The following BTNL9 variants were observed in gnomAD, a reference collection of about 807,000 sequenced individuals.
The protein encoded by BTNL9 is butyrophilin-like protein 9.
BTNL9 carries 45 observed loss-of-function variants against 45.8 expected under a neutral mutation model. That is an observed-to-expected ratio of 0.98 (90% CI 0.77 to 1.26). The LOEUF (loss-of-function observed/expected upper bound fraction) is 1.26. BTNL9 is among the 50% of genes most tolerant of loss of function. The pLI is 0.00. For synonymous variants in BTNL9, 346 were observed against 330.8 expected (o/e 1.05, Z -0.50); for missense variants, 784 against 729.7 (o/e 1.07, Z -0.86).
In BTNL9 at chr5:181,055,682, G is replaced by C. The variant is rs11951478; in HGVS notation, c.928+229G>C. The C allele has an allele frequency of 2.9e-6, 2 of 684,198 alleles. No individual in the cohort carries two copies. Among genetic ancestry groups the C allele is most frequent in the Admixed American group, 2.2e-5 (1 of 46,288 alleles). The allele number at this position is 684,198 out of a possible 1,614,324, so 42.4% of individuals were successfully genotyped here. A position where few individuals can be genotyped will look rare whatever the true frequency, so the allele number is the denominator to read the frequency against. The stretch of plus-strand genomic sequence containing the variant: ...TACATGGGAGGCTGAGGCAGGAGAA[G>C]GGCGTGAACCCGGGAAGCGGAGCTT... On this transcript the variant is annotated intron_variant, in intron 8 of 10. Coordinates refer to ENST00000327705, the MANE Select transcript of BTNL9 (RefSeq NM_152547.5). The surrounding 1 kb of genome is among the most constrained non-coding windows in gnomAD (Gnocchi z 4.4).
intron 2 of BTNL9, among the ~76,000 whole-genome samples, chr5:181,046,666 AGAGAAAGAGAGAGAGC>A (rs1278902322): frequency 1.3e-5 from 2 of 151,864 alleles, no homozygotes; most frequent in African/African-American, 2.4e-5. Flanking sequence ...ACCATGGCTG[AGAGAAAGAGAGAGAGC>A]GAGAGAGAGA....
rs759780493 is a variant in BTNL9, at chr5:181,059,270, C to T, written c.1016C>T (p.Pro339Leu). ...DVTLDPASAH[P>L]SLEVSEDGKS... ...ACGCTGGACCCGGCCTCGGCGCACCCCAGCCTGGAGGTGTCGGAGGATGGC... is the reference window on the plus strand; with the variant it reads ...ACGCTGGACCCGGCCTCGGCGCACCTCAGCCTGGAGGTGTCGGAGGATGGC... The change falls in exon 11 of 11, where the codon CCC becomes CTC. Residue 339 changes from proline (P) to leucine (L), a missense_variant. Transcript: ENST00000327705. The T allele has an allele frequency of 6.4e-7, 1 of 1,571,160 alleles. No individual in the cohort carries two copies.
Position 181,059,404 on chromosome 5 carries a change from C to T in BTNL9, c.1150C>T (p.His384Tyr), listed in dbSNP as rs186444058. Reference sequence around the variant, plus strand: ...CCTGGAGCGGTTCTCCGCCGGCCGCCACTACTGGGAGGTGCACGTGGGCCG... The same window carrying T: ...CCTGGAGCGGTTCTCCGCCGGCCGCTACTACTGGGAGGTGCACGTGGGCCG... ...LSLERFSAGR[H>Y]YWEVHVGRRS... The change falls in exon 11 of 11, where the codon CAC becomes TAC. Residue 384 changes from histidine to tyrosine, a missense_variant. Coordinates refer to ENST00000327705, the MANE Select transcript of BTNL9 (RefSeq NM_152547.5). The T allele has an allele frequency of 9.0e-3, 13,762 of 1,525,598 alleles. 87 individuals carry two copies. Among genetic ancestry groups the T allele is most frequent in the Non-Finnish European group, 0.01 (11,829 of 1,138,818 alleles). 94.5% of individuals were successfully genotyped at this position (1,525,598 alleles called of 1,614,324 possible). A position where few individuals can be genotyped will look rare whatever the true frequency, so the allele number is the denominator to read the frequency against.
Position 181,048,304 on chromosome 5 carries a change from G to A in BTNL9, c.454+33G>A, listed in dbSNP as rs538519233. 4.6e-4 allele frequency: 717 copies of A among 1,546,516 alleles called. 11 individuals carry two copies. The South Asian group carries it at 7.7e-3, about 17-fold the overall frequency. ...GACTGACCTAAGGCCCTGCAGAGGA[G>A]AGGGAGATCCAGGTGCTTTGCCAAG... On this transcript the variant is annotated intron_variant, in intron 3 of 10. Coordinates refer to ENST00000327705, the MANE Select transcript of BTNL9 (RefSeq NM_152547.5).
At chr5:181,049,758 AATT>A in intron 3 of BTNL9, among the ~76,000 whole-genome samples, 1 of 152,304 alleles carries the variant, frequency 6.6e-6, no homozygotes, top group Admixed American at 6.5e-5. Context: ...TCACAACTCT[AATT>A]ATTAGAATTT....
Position 181,056,067 on chromosome 5 carries a change from C to G in BTNL9, c.955+52C>G, listed in dbSNP as rs552278491. ...TCCTCCTCATTTATATCTGAGCACC[C>G]CAGTCCAACTCACCTGATTAACCAA... is the stretch of plus-strand genomic sequence containing the variant. On this transcript the variant is annotated intron_variant, in intron 9 of 10. Transcript: ENST00000327705. The G allele has an allele frequency of 3.7e-5, 59 of 1,595,916 alleles. 1 individual carries two copies. The South Asian group carries it at 5.6e-4, about 15-fold the overall frequency.
rs1289506542 is a variant in BTNL9, at chr5:181,048,091, C to A, written c.274C>A (p.Leu92Ile). The A allele has an allele frequency of 6.2e-7, 1 of 1,613,540 alleles. No individual in the cohort carries two copies. Among genetic ancestry groups the A allele is most frequent in the Non-Finnish European group, 8.5e-7 (1 of 1,180,010 alleles). ...ACACCTGTACCAGGAGCAGCAGGAG[C>A]TCCCTGGCAGGCAGATGCCGGCGTT... The part of the protein sequence containing the change: ...VVHLYQEQQE[L>I]PGRQMPAFRN... Residue 92 changes from leucine to isoleucine, a missense_variant, in exon 3 of 11, where the codon CTC becomes ATC. Leu to Ile is a conservative substitution (Grantham distance 5). Transcript: ENST00000327705.
In BTNL9 at chr5:181,053,224, C is replaced by A; in HGVS notation, c.761C>A (p.Ala254Glu). The change falls in exon 5 of 11, where the codon GCG becomes GAG. Residue 254 changes from alanine (A) to glutamate (E), a missense_variant. Coordinates refer to ENST00000327705, the MANE Select transcript of BTNL9 (RefSeq NM_152547.5). This position sits in a 1 kb window ranked among gnomAD's most constrained non-coding sequence, Gnocchi z 6.5. ...GACGTGTTCGTACCCGGAGCCTCTG[C>A]GTGGAAGAGCGCGTTCGTCGCGACC... Reference protein sequence around the residue: ...IADVFVPGASAWKSAFVATLP... With the variant: ...IADVFVPGASEWKSAFVATLP... 1 of 1,589,168 alleles carries A rather than the reference C, an allele frequency of 6.3e-7. No homozygotes were observed. The highest frequency in any genetic ancestry group is 1.1e-5 in the South Asian group (1 of 88,702).
intron 4 of BTNL9, chr5:181,052,833 G>A (rs945289826): frequency 7.7e-5 from 11 of 143,486 alleles, no homozygotes; most frequent in African/African-American, 3.0e-4. Flanking sequence ...AGACGGCGCG[G>A]GTGCGAGCAG....
chr5:181,056,442 T>C (rs974695084), intron 9 of BTNL9: 44 of 672,244 alleles, frequency 6.5e-5, no homozygotes, highest in Non-Finnish European at 1.2e-4. Flanking sequence ...TTTATGGTTC[T>C]GTGATGTTCC....
At chr5:181,051,078 C>CAAAAAG (rs1761508388) in intron 4 of BTNL9, among the ~76,000 whole-genome samples, 1 of 44,688 alleles carries the variant, frequency 2.2e-5, no homozygotes, top group African/African-American at 8.5e-5. Context: ...GAATCCGTCT[C>CAAAAAG]AAAAAAAAAA....
chr5:181,054,331 C>T lies in BTNL9; in HGVS notation c.907+72C>T. 7 of 1,591,634 alleles carry T rather than the reference C, an allele frequency of 4.4e-6. No individual in the cohort carries two copies. The South Asian group carries it at 6.9e-5, about 16-fold the overall frequency. On this transcript the variant is annotated intron_variant, in intron 7 of 10. Transcript: ENST00000327705. ...TGTGCCTGTGCAGTGGGAGGAGGGG[C>T]TCCCTTTGGACAGCGGCTGGCAACT... is the stretch of plus-strand genomic sequence containing the variant.
chr5:181,055,173 C>CAGT lies in BTNL9; in HGVS notation c.908-258_908-256dup. The CAGT allele has an allele frequency of 7.7e-7, 1 of 1,300,786 alleles. No individual in the cohort carries two copies. The highest frequency in any genetic ancestry group is 3.0e-5 in the East Asian group (1 of 32,884). The allele number at this position is 1,300,786 out of a possible 1,614,324, so 80.6% of individuals were successfully genotyped here. On this transcript the variant is annotated intron_variant, in intron 7 of 10. Coordinates refer to ENST00000327705, the MANE Select transcript of BTNL9 (RefSeq NM_152547.5). This position sits in a 1 kb window ranked among gnomAD's most constrained non-coding sequence, Gnocchi z 4.4. ...ACCCCAACCCTGGGAAGAGGCCTGT[C>CAGT]AGTACTAAGATCTGGTATCCCTTCT...
chr5:181,045,626 G>C (rs113682037), intron 2 of BTNL9, 28 bp downstream of exon 2: 4 of 1,559,972 alleles, frequency 2.6e-6, no homozygotes, highest in South Asian at 1.1e-5. Context: ...TAGCTGGCCA[G>C]GATGTGAACG....
chr5:181,053,432 C>G lies in BTNL9; in HGVS notation c.854-37C>G, dbSNP rs1313823897. On this transcript the variant is annotated intron_variant, in intron 5 of 10. Transcript: ENST00000327705. This position sits in a 1 kb window ranked among gnomAD's most constrained non-coding sequence, Gnocchi z 6.5. ...GAAGGCGGCCTGGAAGGGGCGGGGG[C>G]GCGCACTCAGCCCTCTCCGCTCCCG... 1.3e-6 allele frequency: 2 copies of G among 1,551,492 alleles called. No homozygotes were observed. Among genetic ancestry groups the G allele is most frequent in the South Asian group, 1.2e-5 (1 of 84,062 alleles).
intron 9 of BTNL9, chr5:181,057,237 TTC>T (rs1369313474): frequency 1.3e-5 from 2 of 152,218 alleles, no homozygotes; most frequent in Non-Finnish European, 2.9e-5. Context: ...GTCACAAAGA[TTC>T]TCTTACACTT....
In BTNL9 at chr5:181,048,022, C is replaced by A; in HGVS notation, c.205C>A (p.Gln69Lys). The change falls in exon 3 of 11, where the codon CAA becomes AAA. Residue 69 changes from glutamine to lysine, a missense_variant. Transcript: ENST00000327705. ...CHLWPQLDAQ[Q>K]MEIRWFRSQT... Reference sequence around the variant, plus strand: ...CCTATGGCCACAGCTGGATGCCCAGCAAATGGAGATCCGCTGGTTCCGGAG... The same window carrying A: ...CCTATGGCCACAGCTGGATGCCCAGAAAATGGAGATCCGCTGGTTCCGGAG... The A allele has an allele frequency of 1.2e-6, 2 of 1,613,808 alleles. No homozygotes were observed. Among genetic ancestry groups the A allele is most frequent in the Non-Finnish European group, 1.7e-6 (2 of 1,180,018 alleles).
chr5:181,053,388 C>T lies in BTNL9; in HGVS notation c.853+72C>T. On this transcript the variant is annotated intron_variant, in intron 5 of 10. Transcript: ENST00000327705. The surrounding 1 kb of genome is among the most constrained non-coding windows in gnomAD (Gnocchi z 6.5). ...AACCCCGGGGCCGCGGAGGCGCCTCCCCCCAGGACGCGGCGCGGGAAGGCG... is the reference window on the plus strand; with the variant it reads ...AACCCCGGGGCCGCGGAGGCGCCTCTCCCCAGGACGCGGCGCGGGAAGGCG... 2.0e-6 allele frequency: 3 copies of T among 1,520,060 alleles called. No individual in the cohort carries two copies. Among genetic ancestry groups the T allele is most frequent in the Non-Finnish European group, 1.8e-6 (2 of 1,132,968 alleles). The allele number at this position is 1,520,060 out of a possible 1,614,324, so 94.2% of individuals were successfully genotyped here.
chr5:181,058,214 G>C, intron 9 of BTNL9, 138 bp from the exon 10 acceptor site: 3 of 1,033,992 alleles, frequency 2.9e-6, no homozygotes, highest in Non-Finnish European at 4.5e-6. Flanking sequence ...GACCAGTCTG[G>C]ATTCAAACCA....
Sources: allele counts gnomAD v4.1 joint callset (sites outside exome capture counted in the v4.1 genomes callset), GRCh38; gene constraint gnomAD v4.1.1; non-coding constraint Gnocchi (gnomAD v3.1); transcripts MANE v1.5; gene names NCBI Gene and HGNC (gene_info 2026-07-23, HGNC 2026-07-21).